The following PRELID2 variants were observed in gnomAD, a reference collection of about 807,000 sequenced individuals.
PRELID2 encodes PRELI domain-containing protein 2.
PRELID2 carries 25 observed loss-of-function variants against 28.4 expected under a neutral mutation model. The ratio of observed to expected loss-of-function variants is 0.88; its 90% confidence interval spans 0.64 to 1.23. PRELID2 has a LOEUF of 1.23. Ranked by LOEUF, PRELID2 falls within the 50% of genes most tolerant of loss-of-function variation. PRELID2 has a pLI of 0.00. For synonymous variants in PRELID2, 76 were observed against 71.6 expected (o/e 1.06, Z -0.31); for missense variants, 201 against 214.4 (o/e 0.94, Z 0.39).
chr5:145,618,887 C>T (rs1753736021), intron 1 of PRELID2, among the ~76,000 whole-genome samples: 1 of 152,110 alleles, frequency 6.6e-6, no homozygotes, highest in African/African-American at 2.4e-5. Flanking sequence ...CATGAGGTTC[C>T]CAGGTCAATG....
intron 1 of PRELID2, among the ~76,000 whole-genome samples, chr5:145,738,548 A>C (rs1756561141): frequency 1.3e-5 from 2 of 152,216 alleles, no homozygotes; most frequent in Non-Finnish European, 1.5e-5. Flanking sequence ...ATTTTTAAAA[A>C]TGCAAGAGAT....
chr5:145,636,919 G>A (rs1168597026), intron 1 of PRELID2, among the ~76,000 whole-genome samples: 1 of 152,046 alleles, frequency 6.6e-6, no homozygotes, highest in Non-Finnish European at 1.5e-5. Context: ...CCCTTTCCAG[G>A]CTATTTCCAC....
In PRELID2 at chr5:145,759,292, C is replaced by G. The variant is rs1757363584; in HGVS notation, c.*1244G>C. On this transcript the variant is annotated 3_prime_UTR_variant, in exon 7 of 7. Transcript: ENST00000683046. Reference sequence around the variant, plus strand: ...CTGGGATTACAGGCATAAGCCACCACACCCTGCCCTGATTTTTATCTTAAG... The same window carrying G: ...CTGGGATTACAGGCATAAGCCACCAGACCCTGCCCTGATTTTTATCTTAAG... The G allele has an allele frequency of 6.6e-6, 1 of 152,252 alleles. No homozygotes were observed. Among genetic ancestry groups the G allele is most frequent in the South Asian group, 2.1e-4 (1 of 4,818 alleles). 9.4% of individuals were successfully genotyped at this position (152,252 alleles called of 1,614,324 possible).
At chr5:145,650,019 T>C (rs899478205) in intron 1 of PRELID2, among the ~76,000 whole-genome samples, 13 of 152,204 alleles carry the variant, frequency 8.5e-5, no homozygotes, top group Admixed American at 2.6e-4. Context: ...CTGAAGGATG[T>C]TATCTTCCTG....
the PRELID2 span, among the ~76,000 whole-genome samples, chr5:145,236,052 G>T: frequency 1.3e-5 from 2 of 152,096 alleles, no homozygotes; most frequent in Admixed American, 6.5e-5. Flanking sequence ...CTCGACCTCA[G>T]ATTTCCATAG....
the PRELID2 span, among the ~76,000 whole-genome samples, chr5:145,305,137 G>T: frequency 6.6e-6 from 1 of 152,020 alleles, no homozygotes; most frequent in Non-Finnish European, 1.5e-5. Flanking sequence ...ATAAACATAG[G>T]CCCAAAGGAT....
downstream of PRELID2, among the ~76,000 whole-genome samples, chr5:145,466,827 T>A (rs1448924149): frequency 6.6e-6 from 1 of 152,108 alleles, no homozygotes; most frequent in African/African-American, 2.4e-5. Flanking sequence ...CACTCCCATT[T>A]AGCAAGCCAC....
the PRELID2 span, among the ~76,000 whole-genome samples, chr5:145,411,379 G>A: frequency 2.0e-5 from 3 of 152,020 alleles, no homozygotes; most frequent in East Asian, 1.9e-4. Context: ...CACAACATGC[G>A]GGAATTCAAG....
At chr5:145,551,272 G>T (rs574607589) in intron 1 of PRELID2, among the ~76,000 whole-genome samples, 1 of 152,024 alleles carries the variant, frequency 6.6e-6, no homozygotes, top group Admixed American at 6.5e-5. Flanking sequence ...GTGGTGGCGC[G>T]TGTCTGTAAT....
At chr5:145,793,092 G>A (rs553498539) in intron 5 of PRELID2, among the ~76,000 whole-genome samples, 7 of 152,230 alleles carry the variant, frequency 4.6e-5, no homozygotes, top group South Asian at 4.2e-4. Context: ...GGAGGAAGGA[G>A]GGGTCTGACT....
chr5:145,674,642 A>C (rs1754777757), intron 1 of PRELID2, among the ~76,000 whole-genome samples: 1 of 152,160 alleles, frequency 6.6e-6, no homozygotes, highest in Non-Finnish European at 1.5e-5. Flanking sequence ...CAAATGTGTC[A>C]GATTTAAATG....
chr5:145,668,627 C>A lies in PRELID2; in HGVS notation n.70+96304G>T, dbSNP rs552187676. On this transcript the variant is annotated intron_variant and non_coding_transcript_variant, in intron 1 of 2. Coordinates refer to the PRELID2 transcript ENST00000510259. ...ACTCTTTGTTGGGCACTGGGCTAAGCACATAAGGTATATTATATAATATAA... is the reference window on the plus strand; with the variant it reads ...ACTCTTTGTTGGGCACTGGGCTAAGAACATAAGGTATATTATATAATATAA... Among the ~76,000 whole-genome samples the A allele has an allele frequency of 1.8e-3, 278 of 152,136 alleles. 4 individuals are homozygous for A. The highest frequency in any genetic ancestry group is 6.3e-4 in the Non-Finnish European group (43 of 67,988).
chr5:145,561,845 T>A (rs1752928123), intron 1 of PRELID2, among the ~76,000 whole-genome samples: 1 of 152,128 alleles, frequency 6.6e-6, no homozygotes, highest in African/African-American at 2.4e-5. Context: ...TATAAAAAGG[T>A]ATAAGTCAAA....
the PRELID2 span, among the ~76,000 whole-genome samples, chr5:145,337,686 A>AATATATATATAT: frequency 1.4e-4 from 11 of 79,876 alleles, no homozygotes; most frequent in Non-Finnish European, 2.2e-4. Context: ...GCATAGGGCA[A>AATATATATATAT]ATATATATAT....
At chr5:145,372,241 G>C in the PRELID2 span, among the ~76,000 whole-genome samples, 1 of 152,066 alleles carries the variant, frequency 6.6e-6, no homozygotes, top group Admixed American at 6.6e-5. Flanking sequence ...CAATGTCCAT[G>C]TAATTGATTT....
intron 1 of PRELID2, among the ~76,000 whole-genome samples, chr5:145,726,508 G>GGATGAATAGATGGATAAGTAGAT (rs1297867475): frequency 2.6e-5 from 4 of 152,200 alleles, no homozygotes; most frequent in African/African-American, 9.6e-5. Flanking sequence ...TCCTGGAGAT[G>GGATGAATAGATGGATAAGTAGAT]GATGAATAGA....
intron 1 of PRELID2, among the ~76,000 whole-genome samples, chr5:145,628,161 G>C (rs929170636): frequency 6.6e-6 from 1 of 151,466 alleles, no homozygotes; most frequent in African/African-American, 2.4e-5. Flanking sequence ...AAGGCAATTA[G>C]GCAATCTATA....
chr5:145,697,033 TTA>T (rs36117637), intron 1 of PRELID2, among the ~76,000 whole-genome samples: 5,105 of 49,904 alleles, frequency 0.1, 288 homozygotes, highest in Middle Eastern at 0.15. Flanking sequence ...GAGAGGAAAA[TTA>T]TATATATATA....
intron 1 of PRELID2, among the ~76,000 whole-genome samples, chr5:145,568,609 T>C (rs1752989168): frequency 6.6e-6 from 1 of 152,222 alleles, no homozygotes; most frequent in Admixed American, 6.5e-5. Context: ...CTTTCTCTTT[T>C]AGAATTTCTC....
Sources: gnomAD v4.1 joint callset for allele counts (sites outside exome capture counted in the v4.1 genomes callset) on GRCh38, gnomAD v4.1.1 for gene constraint, MANE v1.5 for transcripts, NCBI Gene and HGNC (gene_info 2026-07-23, HGNC 2026-07-21) for gene names.